The following VSTM4 variants were observed in gnomAD, a reference collection of about 807,000 sequenced individuals.
VSTM4 encodes the protein V-set and transmembrane domain containing 4.
A neutral mutation model predicts 36.4 loss-of-function variants in VSTM4; 20 were observed. The ratio of observed to expected loss-of-function variants is 0.55; its 90% CI spans 0.39 to 0.80. The LOEUF (loss-of-function observed/expected upper bound fraction) is 0.80. VSTM4 is among the 30% of genes least tolerant of loss of function. VSTM4 has a pLI of 0.00. For missense variants in VSTM4, 392 were observed against 404.5 expected (o/e 0.97, Z 0.26); for synonymous variants, 182 against 173.9 (o/e 1.05, Z -0.37).
At chr10:49,046,917 T>G in intron 7 of VSTM4, 66 bp downstream of exon 7, 1 of 1,487,644 alleles carries the variant, frequency 6.7e-7, no homozygotes, top group Non-Finnish European at 9.4e-7. Context: ...ATAAAGGCAC[T>G]GTTTTGGAAT....
In VSTM4 at chr10:49,115,407, C is replaced by T. The variant is rs1192405738; in HGVS notation, c.55+24G>A. 1.3e-5 allele frequency: 13 copies of T among 1,017,114 alleles called. No homozygotes were observed. The East Asian group carries it at 1.3e-3, about 103-fold the overall frequency. The allele number at this position is 1,017,114 out of a possible 1,614,324, so 63.0% of individuals were successfully genotyped here. A position where few individuals can be genotyped will look rare whatever the true frequency, so the allele number is the denominator to read the frequency against. ...CCGCCCGGCCCCCACCCTTCCCGCT[C>T]CCGCCTGGCCCCGCCGCGCTTACCC... On this transcript the variant is annotated intron_variant, in intron 1 of 7. Transcript: ENST00000332853.
Position 49,036,400 on chromosome 10 carries a change from G to A in VSTM4, c.837+10583C>T, listed in dbSNP as rs184429692. ...CTTGGGGCAATATATTGTACATGTGGTTGTGGCTTTTTTTCTTCTTTTTAA... is the reference window on the plus strand; with the variant it reads ...CTTGGGGCAATATATTGTACATGTGATTGTGGCTTTTTTTCTTCTTTTTAA... On this transcript the variant is annotated intron_variant, in intron 7 of 7. Coordinates refer to ENST00000332853, the MANE Select transcript of VSTM4 (RefSeq NM_001031746.5). Among the ~76,000 whole-genome samples, 70 of 152,262 alleles carry A rather than the reference G, an allele frequency of 4.6e-4. 1 individual carries two copies. The highest frequency in any genetic ancestry group is 1.6e-3 in the African/African-American group (66 of 41,536).
Position 49,048,488 on chromosome 10 carries a change from G to T in VSTM4, c.765C>A (p.Val255=), listed in dbSNP as rs1843648004. Residue 255 remains valine, a synonymous_variant, in exon 6 of 8, where the codon GTC becomes GTA. Transcript: ENST00000332853. The part of the protein sequence containing the change: ...QKEKPDIPPA[V]PAKAPIAPTF... ...AGGCCAGCTCCTTACCTTTGGCAGG[G>T]ACTGCGGGAGGAATGTCAGGCTTCT... 5.0e-6 allele frequency: 8 copies of T among 1,590,842 alleles called. No homozygotes were observed. The East Asian group carries it at 1.8e-4, about 36-fold the overall frequency.
intron 7 of VSTM4, among the ~76,000 whole-genome samples, chr10:49,036,344 CAA>C (rs1372206311): frequency 6.6e-6 from 1 of 152,154 alleles, no homozygotes; most frequent in Non-Finnish European, 1.5e-5. Flanking sequence ...GTGGTACAAG[CAA>C]AGTTTGTATT....
chr10:49,072,492 A>G (rs762318651), intron 4 of VSTM4, among the ~76,000 whole-genome samples: 4 of 152,110 alleles, frequency 2.6e-5, no homozygotes, highest in African/African-American at 4.8e-5. Context: ...CTTGCTTCCC[A>G]CTGGGCCTGG....
intron 2 of VSTM4, among the ~76,000 whole-genome samples, chr10:49,086,780 C>T (rs796698930): frequency 1.3e-5 from 2 of 152,326 alleles, no homozygotes; most frequent in African/African-American, 4.8e-5. Flanking sequence ...CTGTCCAATA[C>T]AGCAGCCACT....
intron 7 of VSTM4, among the ~76,000 whole-genome samples, chr10:49,037,011 A>G (rs1469957539): frequency 1.3e-5 from 2 of 152,246 alleles, no homozygotes; most frequent in African/African-American, 2.4e-5. Flanking sequence ...CAAGTGCTAC[A>G]CTAGGAGATC....
intron 5 of VSTM4, among the ~76,000 whole-genome samples, chr10:49,060,409 G>T (rs1244019675): frequency 6.6e-6 from 1 of 152,174 alleles, no homozygotes; most frequent in Non-Finnish European, 1.5e-5. Flanking sequence ...TGGGGGTATA[G>T]TGATATCACC....
At chr10:49,077,380 T>A in intron 3 of VSTM4, 54 bp from the exon 4 acceptor site, 1 of 1,509,872 alleles carries the variant, frequency 6.6e-7, no homozygotes, top group Non-Finnish European at 9.2e-7. Context: ...GCAGCAGAAG[T>A]GCGCTGGCAA....
rs902610455 is a variant in VSTM4 at position 49,018,286 on chromosome 10, G to A, written c.*1364C>T. 2 of 152,310 alleles carry A rather than the reference G, an allele frequency of 1.3e-5. No individual in the cohort carries two copies. Among genetic ancestry groups the A allele is most frequent in the East Asian group, 3.9e-4 (2 of 5,188 alleles). The allele number at this position is 152,310 out of a possible 1,614,324, so 9.4% of individuals were successfully genotyped here. A position where few individuals can be genotyped will look rare whatever the true frequency, so the allele number is the denominator to read the frequency against. On this transcript the variant is annotated 3_prime_UTR_variant, in exon 8 of 8. Coordinates refer to ENST00000332853, the MANE Select transcript of VSTM4 (RefSeq NM_001031746.5). ...CAGAGCATTTGTGTAGCAATTTACA[G>A]TTTCTAGAACTGGCAAGATTCATTA...
At position 49,023,837 on chromosome 10, in the gene VSTM4, T is replaced by C. The variant is rs144300553; in HGVS notation, c.838-4062A>G. Among the ~76,000 whole-genome samples, 385 of 152,352 alleles carry C rather than the reference T, an allele frequency of 2.5e-3. 5 individuals are homozygous for C. Among genetic ancestry groups the C allele is most frequent in the African/African-American group, 8.8e-3 (364 of 41,576 alleles). ...TTAGTACAAATTGTGGAACTCAGGATAGAAGCTTCAACAGTGTTGAACTGT... is the reference window on the plus strand; with the variant it reads ...TTAGTACAAATTGTGGAACTCAGGACAGAAGCTTCAACAGTGTTGAACTGT... On this transcript the variant is annotated intron_variant, in intron 7 of 7. Coordinates refer to ENST00000332853, the MANE Select transcript of VSTM4 (RefSeq NM_001031746.5).
At chr10:49,083,580 C>T (rs1056845428) in intron 3 of VSTM4, among the ~76,000 whole-genome samples, 2 of 152,146 alleles carry the variant, frequency 1.3e-5, no homozygotes, top group Non-Finnish European at 2.9e-5. Flanking sequence ...CTACACATAG[C>T]GAGAATGCCA....
At chr10:49,046,944 G>A in intron 7 of VSTM4, 39 bp downstream of exon 7, 2 of 1,592,944 alleles carry the variant, frequency 1.3e-6, no homozygotes, top group Non-Finnish European at 1.7e-6. Context: ...TGTGTCTGAG[G>A]CTTAAGGTAT....
At chr10:49,075,108 C>T (rs902616323) in intron 4 of VSTM4, among the ~76,000 whole-genome samples, 1 of 152,236 alleles carries the variant, frequency 6.6e-6, no homozygotes, top group African/African-American at 2.4e-5. Context: ...CAAATGGGAC[C>T]ATCTGAGGCC....
intron 1 of VSTM4, among the ~76,000 whole-genome samples, chr10:49,113,247 A>G (rs1209567541): frequency 6.6e-6 from 1 of 152,256 alleles, no homozygotes; most frequent in African/African-American, 2.4e-5. Context: ...TGAAAGAAAT[A>G]GTTATATTAC....
rs1843140550 is a variant in VSTM4, at chr10:49,018,947, C to CTGT, written c.*702_*703insACA. On this transcript the variant is annotated 3_prime_UTR_variant, in exon 8 of 8. Transcript: ENST00000332853. ...CTTCTTAGAGAGTGTGTTTCTCTAT[C>CTGT]AGTACAGGTCCACCTTGTGAAAGGG... The CTGT allele has an allele frequency of 6.6e-6, 1 of 152,250 alleles. No homozygotes were observed. Among genetic ancestry groups the CTGT allele is most frequent in the South Asian group, 2.1e-4 (1 of 4,836 alleles). The allele number at this position is 152,250 out of a possible 1,614,324, so 9.4% of individuals were successfully genotyped here. A position where few individuals can be genotyped will look rare whatever the true frequency, so the allele number is the denominator to read the frequency against.
intron 2 of VSTM4, chr10:49,103,810 C>T: frequency 1.2e-6 from 2 of 1,614,044 alleles, no homozygotes; most frequent in Non-Finnish European, 1.7e-6. Flanking sequence ...GGTAGTATTA[C>T]AAGGGAAATC....
At chr10:49,077,586 A>G (rs147332758) in intron 3 of VSTM4, among the ~76,000 whole-genome samples, 8 of 152,224 alleles carry the variant, frequency 5.3e-5, no homozygotes, top group Non-Finnish European at 1.2e-4. Flanking sequence ...TCTTCAATCA[A>G]TGGTGCTGGG....
chr10:49,112,089 T>C (rs2132032426), intron 1 of VSTM4, among the ~76,000 whole-genome samples: 1 of 152,288 alleles, frequency 6.6e-6, no homozygotes, highest in Middle Eastern at 3.4e-3. Flanking sequence ...TGTACCCCAC[T>C]GTGGCCCAAC....
Sources: gnomAD v4.1 joint callset for allele counts (sites outside exome capture counted in the v4.1 genomes callset) on GRCh38, gnomAD v4.1.1 for gene constraint, MANE v1.5 for transcripts, NCBI Gene and HGNC (gene_info 2026-07-23, HGNC 2026-07-21) for gene names.